The following CNTN4 variants were observed in gnomAD, a reference collection of about 807,000 sequenced individuals.
CNTN4 encodes contactin-4.
A neutral mutation model predicts 122.5 loss-of-function variants in CNTN4; 77 were observed. The observed-to-expected ratio is 0.63, with a 90% confidence interval of 0.52 to 0.76. The LOEUF (loss-of-function observed/expected upper bound fraction) is 0.76. Among genes scored for constraint, CNTN4 ranks in the 30% least tolerant of loss-of-function variants. The pLI is 0.00. For missense variants in CNTN4, 1,256 were observed against 1,259.1 expected, an observed-to-expected ratio of 1.00 and a Z score of 0.04; for synonymous variants, 512 against 447.0, an observed-to-expected ratio of 1.15 and a Z score of -1.83.
chr3:2,695,659 G>A (rs1258055677), intron 4 of CNTN4, among the ~76,000 whole-genome samples: 3 of 152,154 alleles, frequency 2.0e-5, no homozygotes, highest in Non-Finnish European at 4.4e-5. Flanking sequence ...AATCTTTGTT[G>A]TCCTAAAGTA....
chr3:3,046,414 A>T (rs1434673845), intron 23 of CNTN4, among the ~76,000 whole-genome samples: 1 of 152,244 alleles, frequency 6.6e-6, no homozygotes, highest in Non-Finnish European at 1.5e-5. Flanking sequence ...AGCCCATCAG[A>T]CTAATAGCGG....
chr3:2,758,353 ATG>A (rs2090433198), intron 6 of CNTN4, among the ~76,000 whole-genome samples: 1 of 152,180 alleles, frequency 6.6e-6, no homozygotes, highest in Non-Finnish European at 1.5e-5. Context: ...TTACCAGCCT[ATG>A]AGGTTATATT....
At chr3:2,521,433 T>C (rs1286354813) in intron 3 of CNTN4, among the ~76,000 whole-genome samples, 1 of 147,424 alleles carries the variant, frequency 6.8e-6, no homozygotes, top group Non-Finnish European at 1.5e-5. Context: ...ATTGACTATT[T>C]TGAAACCTAT....
chr3:2,842,960 G>T (rs1300376455), intron 7 of CNTN4, among the ~76,000 whole-genome samples: 1 of 151,580 alleles, frequency 6.6e-6, no homozygotes, highest in Admixed American at 6.6e-5. Context: ...CTGTATACTT[G>T]CTCTCTAGTG....
intron 3 of CNTN4, among the ~76,000 whole-genome samples, chr3:2,490,976 T>G (rs917539168): frequency 3.9e-5 from 6 of 152,136 alleles, no homozygotes; most frequent in Non-Finnish European, 8.8e-5. Flanking sequence ...GATACCACCT[T>G]CTTTAGTGTA....
chr3:2,271,228 G>A (rs187741819), intron 2 of CNTN4, among the ~76,000 whole-genome samples: 2 of 151,996 alleles, frequency 1.3e-5, no homozygotes, highest in Non-Finnish European at 2.9e-5. Flanking sequence ...TCATTTTGAT[G>A]TTGCTACTCC....
At chr3:2,610,453 G>A (rs892491198) in intron 4 of CNTN4, among the ~76,000 whole-genome samples, 1 of 152,148 alleles carries the variant, frequency 6.6e-6, no homozygotes, top group Non-Finnish European at 1.5e-5. Context: ...CAGTCAGTCA[G>A]TTCTGACATC....
chr3:2,174,158 A>G (rs1250867644), intron 2 of CNTN4, among the ~76,000 whole-genome samples: 1 of 152,160 alleles, frequency 6.6e-6, no homozygotes, highest in Non-Finnish European at 1.5e-5. Context: ...GGGTGCAGCA[A>G]CTTGGTTTCT....
intron 2 of CNTN4, among the ~76,000 whole-genome samples, chr3:2,261,329 T>TA (rs1559389203): frequency 6.6e-6 from 1 of 152,166 alleles, no homozygotes. Flanking sequence ...CTCTATTACT[T>TA]ACAGAGTAAA....
At chr3:2,665,348 T>G (rs1183934344) in intron 4 of CNTN4, among the ~76,000 whole-genome samples, 3 of 152,230 alleles carry the variant, frequency 2.0e-5, no homozygotes, top group Non-Finnish European at 4.4e-5. Context: ...ACAGTGCTTT[T>G]TCTGTGGGAT....
At chr3:2,511,521 C>T (rs2076886475) in intron 3 of CNTN4, 1 of 152,294 alleles carries the variant, frequency 6.6e-6, no homozygotes, top group Non-Finnish European at 1.5e-5. Flanking sequence ...AGTTCAGCAT[C>T]TCTAGTCCCA....
intron 2 of CNTN4, among the ~76,000 whole-genome samples, chr3:2,225,159 C>CAAA (rs2039229791): frequency 1.6e-5 from 2 of 127,528 alleles, no homozygotes; most frequent in East Asian, 4.1e-4. Context: ...CCCACCACCC[C>CAAA]CAAAAAAAAA....
At chr3:2,373,607 A>G (rs1471159646) in intron 3 of CNTN4, among the ~76,000 whole-genome samples, 1 of 152,234 alleles carries the variant, frequency 6.6e-6, no homozygotes, top group East Asian at 1.9e-4. Flanking sequence ...TGCTTCTGGT[A>G]CAAGCATGTA....
intron 2 of CNTN4, among the ~76,000 whole-genome samples, chr3:2,154,201 A>G (rs1040060410): frequency 5.3e-5 from 8 of 152,096 alleles, no homozygotes; most frequent in Non-Finnish European, 8.8e-5. Flanking sequence ...CATGGCCAAC[A>G]TGGTGAAACC....
chr3:2,736,847 G>A (rs891014564), intron 5 of CNTN4, among the ~76,000 whole-genome samples: 16 of 151,386 alleles, frequency 1.1e-4, no homozygotes, highest in South Asian at 4.2e-4. Context: ...TGCAGTGTGC[G>A]ACCACTGCTC....
chr3:2,800,864 G>C (rs1588963), intron 6 of CNTN4, among the ~76,000 whole-genome samples: 145,240 of 152,256 alleles, frequency 0.95, 69,675 homozygotes, highest in East Asian at 1. Flanking sequence ...ATGTTTTCCC[G>C]TAAACATTCA....
Position 2,879,520 on chromosome 3 carries a change from C to T in CNTN4, c.653-3625C>T, listed in dbSNP as rs886855171. On this transcript the variant is annotated intron_variant, in intron 8 of 24. Coordinates refer to ENST00000418658, the MANE Select transcript of CNTN4 (RefSeq NM_175607.3). ...AATATTATTCTGCAATAAAAAGGAA[C>T]AAACTACTGGTACCTGTTACAACAT... Among the ~76,000 whole-genome samples the T allele has an allele frequency of 3.3e-5, 5 of 152,264 alleles. No homozygotes were observed. The South Asian group carries it at 1.0e-3, about 32-fold the overall frequency.
chr3:2,371,462 T>A (rs1442202983), intron 3 of CNTN4, among the ~76,000 whole-genome samples: 1 of 62 alleles, frequency 0.016, no homozygotes, highest in Non-Finnish European at 0.038. Context: ...GCATTTATCC[T>A]TGCATCTGTC....
intron 4 of CNTN4, among the ~76,000 whole-genome samples, chr3:2,713,147 GAGC>G (rs2087255626): frequency 6.6e-6 from 1 of 152,140 alleles, no homozygotes; most frequent in South Asian, 2.1e-4. Context: ...TGAAGTGGGG[GAGC>G]AGTTTTGGGG....
Sources: allele counts gnomAD v4.1 joint callset (sites outside exome capture counted in the v4.1 genomes callset), GRCh38; gene constraint gnomAD v4.1.1; transcripts MANE v1.5; gene names NCBI Gene and HGNC (gene_info 2026-07-23, HGNC 2026-07-21).